Variants in XYLT1 observed in about 807,000 individuals in gnomAD.
XYLT1 encodes the protein xylosyltransferase 1.
XYLT1 carries 36 observed loss-of-function variants against 91.3 expected under a neutral mutation model. That is an observed-to-expected ratio of 0.39 (90% CI 0.30 to 0.52). XYLT1 has a LOEUF of 0.52. Ranked by LOEUF, XYLT1 falls within the 20% of genes least tolerant of loss-of-function variation. XYLT1 has a pLI of 0.68. For missense variants in XYLT1, 1,242 were observed against 1,284.5 expected (o/e 0.97, Z 0.51); for synonymous variants, 588 against 532.0 (o/e 1.11, Z -1.45).
chr16:17,183,045 C>T (rs141184972), intron 5 of XYLT1, among the ~76,000 whole-genome samples: 275 of 152,316 alleles, frequency 1.8e-3, no homozygotes, highest in African/African-American at 6.3e-3. Flanking sequence ...GCTTTCCCTC[C>T]CTGGGGTCAA....
chr16:17,387,644 C>T (rs1450891439), intron 1 of XYLT1, among the ~76,000 whole-genome samples: 1 of 152,180 alleles, frequency 6.6e-6, no homozygotes, highest in Non-Finnish European at 1.5e-5. Flanking sequence ...AAGGGAACCG[C>T]TGCTACCCCC....
At chr16:17,327,925 T>C (rs2034837464) in intron 2 of XYLT1, among the ~76,000 whole-genome samples, 1 of 152,050 alleles carries the variant, frequency 6.6e-6, no homozygotes, top group Admixed American at 6.6e-5. Flanking sequence ...TTGCAAAGTG[T>C]GAGGCTCCAG....
At chr16:17,200,939 G>A (rs1339128823) in intron 3 of XYLT1, among the ~76,000 whole-genome samples, 1 of 152,216 alleles carries the variant, frequency 6.6e-6, no homozygotes, top group African/African-American at 2.4e-5. Context: ...ACTGAACAAG[G>A]CAGGAGGAGG....
intron 11 of XYLT1, among the ~76,000 whole-genome samples, chr16:17,113,452 G>T (rs571977447): frequency 6.6e-6 from 1 of 152,324 alleles, no homozygotes; most frequent in Admixed American, 6.5e-5. Flanking sequence ...CATGATAGTG[G>T]TTTTTGTCCA....
chr16:17,436,851 T>C (rs937961436), intron 1 of XYLT1, among the ~76,000 whole-genome samples: 12 of 152,306 alleles, frequency 7.9e-5, no homozygotes, highest in African/African-American at 2.9e-4. Context: ...CTGGAACTGT[T>C]TGGCTTACAC....
chr16:17,168,422 C>A (rs190921612), intron 5 of XYLT1, among the ~76,000 whole-genome samples: 1 of 152,174 alleles, frequency 6.6e-6, no homozygotes, highest in Admixed American at 6.5e-5. Context: ...TGGGAACAAA[C>A]ACTGGGGACT....
intron 1 of XYLT1, among the ~76,000 whole-genome samples, chr16:17,362,138 A>G (rs559807492): frequency 6.6e-6 from 1 of 152,324 alleles, no homozygotes; most frequent in South Asian, 2.1e-4. Flanking sequence ...TGGAAAATAT[A>G]TTATTACTTT....
intron 3 of XYLT1, among the ~76,000 whole-genome samples, chr16:17,245,635 A>AC (rs1228939655): frequency 2.0e-5 from 3 of 152,232 alleles, no homozygotes; most frequent in South Asian, 4.1e-4. Context: ...GTTTTAAATT[A>AC]CTTTATCATT....
rs1267758659 is a variant in XYLT1, at chr16:17,406,313, A to G, written c.364-48263T>C. ...TACATTAGTCAAATAAATAGTCACC[A>G]CCTGCATGTAGCTTGTTCTCAAAAT... On this transcript the variant is annotated intron_variant, in intron 1 of 11. Coordinates refer to ENST00000261381, the MANE Select transcript of XYLT1 (RefSeq NM_022166.4). Among the ~76,000 whole-genome samples, 5 of 152,194 alleles carry G rather than the reference A, an allele frequency of 3.3e-5. No individual in the cohort carries two copies. In the East Asian group the frequency reaches 9.6e-4, roughly 29 times the overall value.
intron 3 of XYLT1, among the ~76,000 whole-genome samples, chr16:17,225,191 TATTTATAATTG>T (rs1242263369): frequency 6.6e-6 from 1 of 151,944 alleles, no homozygotes; most frequent in Non-Finnish European, 1.5e-5. Flanking sequence ...TCTCTCTCTC[TATTTATAATTG>T]GTCTGTGTCT....
intron 1 of XYLT1, among the ~76,000 whole-genome samples, chr16:17,379,757 T>TTTCACACA (rs1555501187): frequency 1.7e-3 from 220 of 129,966 alleles, no homozygotes; most frequent in African/African-American, 7.3e-3. Context: ...TCTCTCTCTC[T>TTTCACACA]CTCTCTCACA....
intron 1 of XYLT1, among the ~76,000 whole-genome samples, chr16:17,392,078 C>T: frequency 6.6e-6 from 1 of 152,282 alleles, no homozygotes; most frequent in South Asian, 2.1e-4. Context: ...AAATCATAAA[C>T]CAAAGAACAT....
rs748993859 is a variant in XYLT1, at chr16:17,171,541, C to T, written c.1290-12632G>A. Among the ~76,000 whole-genome samples the T allele has an allele frequency of 8.5e-5, 13 of 152,234 alleles. 1 individual carries two copies. The highest frequency in any genetic ancestry group is 6.3e-3 in the Middle Eastern group (2 of 316). On this transcript the variant is annotated intron_variant, in intron 5 of 11. Transcript: ENST00000261381. ...CTTTACCCACAGATTTCCAAGGTTA[C>T]TTGTTTATCTCAGAGGGCTGATGAG...
At chr16:17,166,610 CGA>C (rs2141551350) in intron 5 of XYLT1, among the ~76,000 whole-genome samples, 2 of 151,684 alleles carry the variant, frequency 1.3e-5, no homozygotes, top group East Asian at 3.9e-4. Flanking sequence ...CTCCTGGGTT[CGA>C]GAGATTCTCC....
intron 2 of XYLT1, among the ~76,000 whole-genome samples, chr16:17,328,375 C>T (rs944336125): frequency 1.3e-5 from 2 of 151,564 alleles, no homozygotes; most frequent in Non-Finnish European, 2.9e-5. Context: ...GGCAAAACCC[C>T]GTCTCTACTA....
intron 2 of XYLT1, among the ~76,000 whole-genome samples, chr16:17,273,974 T>A (rs1353573035): frequency 6.6e-6 from 1 of 151,340 alleles, no homozygotes; most frequent in Admixed American, 6.6e-5. Context: ...CGCAGTAGCA[T>A]GATCTCGGCT....
chr16:17,130,566 G>T (rs181219549), intron 9 of XYLT1, among the ~76,000 whole-genome samples: 1 of 152,022 alleles, frequency 6.6e-6, no homozygotes, highest in African/African-American at 2.4e-5. Flanking sequence ...TCTGCCTCCC[G>T]GGTTCAAGCA....
At chr16:17,266,972 G>A (rs2033816075) in intron 2 of XYLT1, among the ~76,000 whole-genome samples, 1 of 152,252 alleles carries the variant, frequency 6.6e-6, no homozygotes, top group African/African-American at 2.4e-5. Flanking sequence ...TCATCTGCAT[G>A]CACAAAAGGT....
In XYLT1 at chr16:17,299,372, A is replaced by G. The variant is rs151113048; in HGVS notation, c.403-39874T>C. On this transcript the variant is annotated intron_variant, in intron 2 of 11. Transcript: ENST00000261381. ...GCTTCAGGACCAGATAAAGGAGGCCAAAAGATTCCATTTGCACAAAATACC... is the reference window on the plus strand; with the variant it reads ...GCTTCAGGACCAGATAAAGGAGGCCGAAAGATTCCATTTGCACAAAATACC... 1.7e-3 allele frequency among the ~76,000 whole-genome samples: 262 copies of G among 152,306 alleles called. 1 individual carries two copies. Among genetic ancestry groups the G allele is most frequent in the African/African-American group, 5.9e-3 (246 of 41,564 alleles).
Sources: allele counts gnomAD v4.1 joint callset (sites outside exome capture counted in the v4.1 genomes callset), GRCh38; gene constraint gnomAD v4.1.1; transcripts MANE v1.5; gene names NCBI Gene and HGNC (gene_info 2026-07-23, HGNC 2026-07-21).